NDE1: variants seen among roughly 807,000 people sequenced by gnomAD.
NDE1 encodes the protein nuclear distribution protein nudE homolog 1.
NDE1 carries 28 observed loss-of-function variants against 43.4 expected under a neutral mutation model. The observed-to-expected ratio is 0.65, with a 90% CI of 0.48 to 0.89. NDE1 has a LOEUF of 0.89. Ranked by LOEUF, NDE1 falls within the 40% of genes least tolerant of loss-of-function variation. The probability of loss-of-function intolerance (pLI) is 0.00; values close to 1 mark genes in which losing one functional copy is unlikely to be tolerated. For synonymous variants in NDE1, 184 were observed against 172.0 expected, an observed-to-expected ratio of 1.07 and a Z score of -0.55; for missense variants, 441 against 434.1, an observed-to-expected ratio of 1.02 and a Z score of -0.14.
chr16:15,713,303 T>C (rs879668564), intron 8 of NDE1: 1 of 151,954 alleles, frequency 6.6e-6, no homozygotes, highest in Non-Finnish European at 1.5e-5. Context: ...GATGAGGCAG[T>C]GGGAGCTTGT....
intron 4 of NDE1, among the ~76,000 whole-genome samples, chr16:15,685,884 A>G (rs534393021): frequency 1.3e-5 from 2 of 152,122 alleles, no homozygotes; most frequent in South Asian, 4.2e-4. Flanking sequence ...CAGGGTCAAT[A>G]ATAAAAATTG....
At chr16:15,668,233 A>C (rs1222161010) in intron 3 of NDE1, among the ~76,000 whole-genome samples, 1 of 152,116 alleles carries the variant, frequency 6.6e-6, no homozygotes, top group Non-Finnish European at 1.5e-5. Flanking sequence ...GTGGTGGTAC[A>C]CGCCTATAGT....
At chr16:15,698,750 G>A (rs1194303285) in intron 8 of NDE1, among the ~76,000 whole-genome samples, 1 of 151,840 alleles carries the variant, frequency 6.6e-6, no homozygotes, top group African/African-American at 2.4e-5. Flanking sequence ...AGTCCCAGCT[G>A]CTTGGGTGGC....
chr16:15,654,245 G>A (rs2036643273), intron 1 of NDE1, among the ~76,000 whole-genome samples: 2 of 151,992 alleles, frequency 1.3e-5, no homozygotes, highest in African/African-American at 4.8e-5. Flanking sequence ...AAGATAGCAG[G>A]TGCAAAGTTG....
chr16:15,678,038 T>C (rs974813512), intron 4 of NDE1, 89 bp downstream of exon 4: 1 of 1,499,566 alleles, frequency 6.7e-7, no homozygotes, highest in African/African-American at 1.4e-5. Flanking sequence ...GTGCTGAGTA[T>C]AGGGAACTAA....
chr16:15,690,028 G>T (rs1022929739), intron 5 of NDE1, among the ~76,000 whole-genome samples: 2 of 151,906 alleles, frequency 1.3e-5, no homozygotes, highest in Non-Finnish European at 2.9e-5. Flanking sequence ...GAGCATTTGG[G>T]GATAGTCTGG....
upstream of NDE1, among the ~76,000 whole-genome samples, chr16:15,649,158 T>C (rs2036393243): frequency 6.6e-6 from 1 of 152,220 alleles, no homozygotes; most frequent in Non-Finnish European, 1.5e-5. Flanking sequence ...ATCACGCCAC[T>C]GCATTCCAGC....
At position 15,725,413 on chromosome 16, in the gene NDE1, C is replaced by T. The variant is rs1596734388; in HGVS notation, c.*1162C>T. 1.6e-5 allele frequency: 8 copies of T among 506,544 alleles called. No homozygotes were observed. Among genetic ancestry groups the T allele is most frequent in the African/African-American group, 3.9e-5 (2 of 51,508 alleles). The allele number at this position is 506,544 out of a possible 1,614,324, so 31.4% of individuals were successfully genotyped here. ...AAGGGAGACCAGGATGGTACTTGAA[C>T]GTCCCAGGGATGCTGTCCCATCCCT... On this transcript the variant is annotated 3_prime_UTR_variant, in exon 9 of 9. Coordinates refer to ENST00000396354, the MANE Select transcript of NDE1 (RefSeq NM_017668.3).
rs1177615503 is a variant in NDE1 at position 15,667,627 on chromosome 16, G to GTTTTTTTT, written c.237+192_237+193insTTTTTTTT. 4.1e-4 allele frequency among the ~76,000 whole-genome samples: 46 copies of GTTTTTTTT among 113,114 alleles called. 5 individuals carry two copies. Among genetic ancestry groups the GTTTTTTTT allele is most frequent in the Non-Finnish European group, 4.9e-4 (28 of 57,680 alleles). 74.2% of individuals were successfully genotyped at this position (113,114 alleles called of 152,430 possible). On this transcript the variant is annotated intron_variant, in intron 3 of 8. Transcript: ENST00000396354. ...GTGCCTCTAGTGGGTGGTGCTTTTT[G>GTTTTTTTT]TTTTGTTTTTTTTTTTTTTTTGAGA...
intron 3 of NDE1, 121 bp from the exon 4 acceptor site, chr16:15,677,680 C>T: frequency 9.6e-7 from 1 of 1,046,434 alleles, no homozygotes; most frequent in Non-Finnish European, 1.4e-6. Context: ...AACTCCTGGG[C>T]TCAGGCAGTC....
At chr16:15,661,922 CT>C (rs1264322460) in intron 1 of NDE1, among the ~76,000 whole-genome samples, 1 of 151,774 alleles carries the variant, frequency 6.6e-6, no homozygotes, top group Non-Finnish European at 1.5e-5. Flanking sequence ...TTTCTGTTCC[CT>C]CCATCTTCAT....
intron 3 of NDE1, among the ~76,000 whole-genome samples, chr16:15,669,510 C>T (rs1596570202): frequency 6.6e-6 from 1 of 152,018 alleles, no homozygotes; most frequent in African/African-American, 2.4e-5. Flanking sequence ...TACAGGCACA[C>T]ACCGCCATGC....
At chr16:15,664,563 G>C (rs956612045) in intron 1 of NDE1, among the ~76,000 whole-genome samples, 173 bp from the exon 2 acceptor site, 3 of 151,860 alleles carry the variant, frequency 2.0e-5, no homozygotes, top group African/African-American at 4.8e-5. Context: ...CACCATGTTA[G>C]CTAGGGTGGT....
chr16:15,651,856 T>TAACA (rs1017193338), intron 1 of NDE1: 1 of 152,216 alleles, frequency 6.6e-6, no homozygotes, highest in Non-Finnish European at 1.5e-5. Flanking sequence ...CCATGTTGGA[T>TAACA]AACAGTTTAT....
intron 8 of NDE1, chr16:15,717,763 TC>T (rs2040240516): frequency 3.4e-6 from 1 of 291,382 alleles, no homozygotes; most frequent in Admixed American, 4.8e-5. Context: ...GCCACTGCAC[TC>T]CAGCCTGGGC....
chr16:15,719,518 T>G, intron 8 of NDE1: 1 of 1,609,354 alleles, frequency 6.2e-7, no homozygotes. Flanking sequence ...ATGCACAGAC[T>G]GGAGCTGCCA....
intron 8 of NDE1, among the ~76,000 whole-genome samples, chr16:15,710,067 C>G (rs780393595): frequency 2.6e-5 from 4 of 152,170 alleles, no homozygotes; most frequent in Non-Finnish European, 5.9e-5. Flanking sequence ...TTTGTGCACC[C>G]AAAAGATGCA....
intron 1 of NDE1, among the ~76,000 whole-genome samples, chr16:15,657,812 G>A (rs770289044): frequency 5.3e-5 from 8 of 152,056 alleles, no homozygotes; most frequent in Admixed American, 1.3e-4. Flanking sequence ...ATGTTGCCCA[G>A]GCTGGTCTCA....
intron 5 of NDE1, among the ~76,000 whole-genome samples, chr16:15,690,357 T>TTC (rs2038685572): frequency 6.6e-5 from 6 of 90,972 alleles, no homozygotes; most frequent in Admixed American, 1.1e-4. Flanking sequence ...TTTTTTCTTT[T>TTC]TTTTTTTTTT....
Sources: gnomAD v4.1 joint callset for allele counts (sites outside exome capture counted in the v4.1 genomes callset) on GRCh38, gnomAD v4.1.1 for gene constraint, MANE v1.5 for transcripts, NCBI Gene and HGNC (gene_info 2026-07-23, HGNC 2026-07-21) for gene names.